CDH13: variants seen among roughly 807,000 people sequenced by gnomAD.
The protein encoded by CDH13 is cadherin-13.
CDH13 carries 24 observed loss-of-function variants against 63.8 expected under a neutral mutation model. That is an observed-to-expected ratio of 0.38 (90% CI 0.27 to 0.53). The LOEUF is 0.53. CDH13 is among the 20% of genes least tolerant of loss of function. The pLI is 0.85. For synonymous variants in CDH13, 503 were observed against 355.3 expected, an observed-to-expected ratio of 1.42 and a Z score of -4.67; for missense variants, 1,049 against 903.1, an observed-to-expected ratio of 1.16 and a Z score of -2.07.
At chr16:83,263,857 C>G (rs1181567199) in intron 5 of CDH13, among the ~76,000 whole-genome samples, 2 of 152,138 alleles carry the variant, frequency 1.3e-5, no homozygotes, top group African/African-American at 4.8e-5. Context: ...TGTGAACATC[C>G]CACTACTTGC....
At chr16:83,393,758 C>T (rs959322201) in intron 6 of CDH13, among the ~76,000 whole-genome samples, 1 of 152,192 alleles carries the variant, frequency 6.6e-6, no homozygotes, top group African/African-American at 2.4e-5. Flanking sequence ...TGCATTTATT[C>T]ATTCATTCAT....
At chr16:83,345,359 G>A (rs1456115156) in intron 6 of CDH13, among the ~76,000 whole-genome samples, 2 of 152,194 alleles carry the variant, frequency 1.3e-5, no homozygotes, top group African/African-American at 2.4e-5. Context: ...TGAGAATTGG[G>A]TCCCCATTAC....
intron 3 of CDH13, among the ~76,000 whole-genome samples, chr16:83,091,948 C>T (rs974304124): frequency 6.6e-6 from 1 of 152,172 alleles, no homozygotes; most frequent in Non-Finnish European, 1.5e-5. Flanking sequence ...TATAATTTCA[C>T]AAATAATTCT....
chr16:83,584,877 G>A (rs7203613), intron 7 of CDH13, among the ~76,000 whole-genome samples: 5 of 151,798 alleles, frequency 3.3e-5, no homozygotes, highest in East Asian at 1.9e-4. Flanking sequence ...GAGTGGGCAC[G>A]TCACATGGCA....
rs996282806 is a variant in CDH13, at chr16:83,379,878, ATG to A, written c.781+34880_781+34881del. On this transcript the variant is annotated intron_variant, in intron 6 of 13. Transcript: ENST00000567109. Reference sequence around the variant, plus strand: ...ACCCAATAATTTCTATAAAGATTATATGTGTGTGTATATAGATATATGTATTA... The same window carrying A: ...ACCCAATAATTTCTATAAAGATTATATGTGTGTATATAGATATATGTATTA... Among the ~76,000 whole-genome samples, 7 of 149,886 alleles carry A rather than the reference ATG, an allele frequency of 4.7e-5. No individual in the cohort carries two copies. In the East Asian group the frequency reaches 5.8e-4, roughly 13 times the overall value.
chr16:83,797,574 T>C lies in CDH13; in HGVS notation c.*2544T>C, dbSNP rs1266293644. On this transcript the variant is annotated 3_prime_UTR_variant, in exon 14 of 14. Transcript: ENST00000567109. ...ATTCTTATAGGCCAAAGTGGTAGCA[T>C]TTCCTGAATCATAAGATGTTTTGTT... 1 of 152,256 alleles carries C rather than the reference T, an allele frequency of 6.6e-6. No homozygotes were observed. Among genetic ancestry groups the C allele is most frequent in the Non-Finnish European group, 1.5e-5 (1 of 68,048 alleles). The allele number at this position is 152,256 out of a possible 1,614,324, so 9.4% of individuals were successfully genotyped here.
chr16:83,345,161 C>T (rs904890114), intron 6 of CDH13, among the ~76,000 whole-genome samples, 155 bp downstream of exon 6: 1 of 152,190 alleles, frequency 6.6e-6, no homozygotes, highest in African/African-American at 2.4e-5. Context: ...GGTTGGAAAG[C>T]TAAAGTGCAA....
intron 5 of CDH13, among the ~76,000 whole-genome samples, chr16:83,288,802 T>C (rs558524122): frequency 6.6e-6 from 1 of 152,314 alleles, no homozygotes; most frequent in Admixed American, 6.5e-5. Flanking sequence ...TCACTTGAAA[T>C]GTAGGGTCTG....
intron 1 of CDH13, among the ~76,000 whole-genome samples, chr16:82,731,119 T>A (rs2318191): frequency 6.6e-6 from 1 of 152,176 alleles, no homozygotes; most frequent in African/African-American, 2.4e-5. Context: ...AGTATTTATA[T>A]GACAGGAACT....
chr16:83,356,190 ATGAG>A (rs1367908469), intron 6 of CDH13, among the ~76,000 whole-genome samples: 3 of 150,558 alleles, frequency 2.0e-5, no homozygotes, highest in Admixed American at 1.3e-4. Flanking sequence ...TCTTACACAG[ATGAG>A]TGAGTTTATT....
intron 2 of CDH13, among the ~76,000 whole-genome samples, chr16:83,004,235 A>T (rs891697308): frequency 4.6e-5 from 7 of 152,126 alleles, no homozygotes; most frequent in African/African-American, 1.7e-4. Context: ...GTCAGGGATA[A>T]AGATAGGGAA....
intron 5 of CDH13, among the ~76,000 whole-genome samples, chr16:83,280,276 C>CT (rs1227068267): frequency 7.9e-5 from 12 of 152,308 alleles, no homozygotes; most frequent in African/African-American, 2.4e-4. Flanking sequence ...ATTCTAAACT[C>CT]TTTTTTGTCA....
intron 5 of CDH13, among the ~76,000 whole-genome samples, chr16:83,251,017 C>G (rs571256040): frequency 6.6e-6 from 1 of 151,960 alleles, no homozygotes; most frequent in African/African-American, 2.4e-5. Context: ...TCTCCTGCTC[C>G]TCATCCCCCA....
At chr16:83,650,270 A>C (rs1464002339) in intron 8 of CDH13, among the ~76,000 whole-genome samples, 1 of 152,246 alleles carries the variant, frequency 6.6e-6, no homozygotes, top group African/African-American at 2.4e-5. Flanking sequence ...CTGCTAATTC[A>C]AAAATTGTAG....
intron 2 of CDH13, among the ~76,000 whole-genome samples, chr16:83,007,984 T>A (rs992722242): frequency 6.6e-6 from 1 of 152,214 alleles, no homozygotes; most frequent in Non-Finnish European, 1.5e-5. Context: ...CCGACTTACT[T>A]GGCTATTTTC....
chr16:83,669,938 G>T (rs923346869), intron 8 of CDH13, among the ~76,000 whole-genome samples: 3 of 152,132 alleles, frequency 2.0e-5, no homozygotes, highest in African/African-American at 7.2e-5. Flanking sequence ...TATGCTTTCG[G>T]CTCAAAGGAA....
In CDH13 at chr16:83,517,353, C is replaced by T. The variant is rs185399817; in HGVS notation, c.960+30698C>T. On this transcript the variant is annotated intron_variant, in intron 7 of 13. Coordinates refer to ENST00000567109, the MANE Select transcript of CDH13 (RefSeq NM_001257.5). ...AACCCCCAAATTTTAGTAGGCATAG[C>T]GCAACAAAGTTTCTTTCTTGCTCAA... Among the ~76,000 whole-genome samples the T allele has an allele frequency of 5.2e-4, 79 of 152,308 alleles. 1 individual carries two copies. The highest frequency in any genetic ancestry group is 3.3e-3 in the Admixed American group (51 of 15,296).
At chr16:83,006,260 G>A (rs748809947) in intron 2 of CDH13, among the ~76,000 whole-genome samples, 1 of 152,208 alleles carries the variant, frequency 6.6e-6, no homozygotes, top group Non-Finnish European at 1.5e-5. Context: ...GCCATCTTGA[G>A]TGTATGCTTT....
intron 8 of CDH13, among the ~76,000 whole-genome samples, chr16:83,633,429 A>C (rs1423353216): frequency 6.6e-6 from 1 of 152,170 alleles, no homozygotes; most frequent in Non-Finnish European, 1.5e-5. Context: ...GAACATATTG[A>C]CATCAGTGTT....
Sources: gnomAD v4.1 joint callset for allele counts (sites outside exome capture counted in the v4.1 genomes callset) on GRCh38, gnomAD v4.1.1 for gene constraint, MANE v1.5 for transcripts, NCBI Gene and HGNC (gene_info 2026-07-23, HGNC 2026-07-21) for gene names.